The following SNX30 variants were observed in gnomAD, a reference collection of about 807,000 sequenced individuals.
The protein encoded by SNX30 is sorting nexin-30.
SNX30 carries 24 observed loss-of-function variants against 46.4 expected under a neutral mutation model. That is an observed-to-expected ratio of 0.52 (90% CI 0.37 to 0.73). The LOEUF (loss-of-function observed/expected upper bound fraction) is 0.73. Ranked by LOEUF, SNX30 falls within the 30% of genes least tolerant of loss-of-function variation. The pLI is 0.00. For synonymous variants in SNX30, 189 were observed against 211.5 expected (o/e 0.89, Z 0.92); for missense variants, 533 against 555.7 (o/e 0.96, Z 0.41).
At chr9:112,826,075 A>T (rs1012724612) in intron 3 of SNX30, among the ~76,000 whole-genome samples, 16 of 152,194 alleles carry the variant, frequency 1.1e-4, no homozygotes, top group African/African-American at 3.9e-4. Context: ...TGTCATCTTT[A>T]TGTTAAATGA....
rs986088269 is a variant in SNX30, at chr9:112,874,526, T to G, written c.*5683T>G. 2 of 152,220 alleles carry G rather than the reference T, an allele frequency of 1.3e-5. No individual in the cohort carries two copies. The highest frequency in any genetic ancestry group is 2.4e-5 in the African/African-American group (1 of 41,462). The allele number at this position is 152,220 out of a possible 1,614,324, so 9.4% of individuals were successfully genotyped here. On this transcript the variant is annotated 3_prime_UTR_variant, in exon 9 of 9. Transcript: ENST00000374232. Reference sequence around the variant, plus strand: ...AAGTCATTCTTTACGTTTAAAATTTTAAAATAAAAACCTTCTGAGGTATTG... The same window carrying G: ...AAGTCATTCTTTACGTTTAAAATTTGAAAATAAAAACCTTCTGAGGTATTG...
At chr9:112,815,395 C>G (rs1840381090) in intron 2 of SNX30, among the ~76,000 whole-genome samples, 1 of 147,812 alleles carries the variant, frequency 6.8e-6, no homozygotes, top group Non-Finnish European at 1.5e-5. Flanking sequence ...GTCTCTTGCT[C>G]TGTTTCCCAG....
chr9:112,880,469 A>G (rs903533122), exon 5 of SNX30: 3 of 154,168 alleles, frequency 1.9e-5, no homozygotes, highest in African/African-American at 7.2e-5. Context: ...CCAACTCAGC[A>G]CAGGAATGCC....
At chr9:112,765,864 C>T (rs1016993586) in intron 1 of SNX30, among the ~76,000 whole-genome samples, 8 of 152,028 alleles carry the variant, frequency 5.3e-5, no homozygotes, top group Non-Finnish European at 8.8e-5. Context: ...AGTGCAGTGG[C>T]GCGATCTCAG....
chr9:112,795,321 G>A (rs553757967), intron 1 of SNX30, among the ~76,000 whole-genome samples: 24 of 152,294 alleles, frequency 1.6e-4, no homozygotes, highest in South Asian at 1.4e-3. Context: ...AGATTAAGAA[G>A]CTTGCTTAAG....
At chr9:112,836,118 C>T in intron 4 of SNX30, 96 bp from the exon 5 acceptor site, 1 of 1,204,892 alleles carries the variant, frequency 8.3e-7, no homozygotes, top group Non-Finnish European at 1.2e-6. Flanking sequence ...CCGAGTTCTC[C>T]ATTTCCAAAC....
intron 8 of SNX30, chr9:112,866,603 G>C: frequency 2.2e-6 from 1 of 464,514 alleles, no homozygotes; most frequent in South Asian, 1.6e-5. Context: ...TCTAACCTCA[G>C]AGTCACCAAG....
At chr9:112,806,623 T>C (rs1300248855) in intron 2 of SNX30, among the ~76,000 whole-genome samples, 5 of 152,180 alleles carry the variant, frequency 3.3e-5, no homozygotes, top group Non-Finnish European at 7.4e-5. Context: ...ACTCAAGTTG[T>C]GTTTCTTCAT....
At chr9:112,820,265 C>G (rs113475068) in intron 3 of SNX30, among the ~76,000 whole-genome samples, 1,959 of 24,272 alleles carry the variant, frequency 0.081, 55 homozygotes, top group African/African-American at 0.29. Flanking sequence ...ACTTGCATAT[C>G]TGGAGTGGAG....
chr9:112,795,411 C>T (rs1340241035), intron 1 of SNX30, among the ~76,000 whole-genome samples: 2 of 152,122 alleles, frequency 1.3e-5, no homozygotes, highest in African/African-American at 4.8e-5. Context: ...CTTGTCCTTC[C>T]ACAGACATTT....
In SNX30 at chr9:112,869,881, A is replaced by G. The variant is rs1444612499; in HGVS notation, c.*1038A>G. 6.6e-6 allele frequency: 1 copy of G among 152,170 alleles called. No individual in the cohort carries two copies. The highest frequency in any genetic ancestry group is 1.5e-5 in the Non-Finnish European group (1 of 68,034). The allele number at this position is 152,170 out of a possible 1,614,324, so 9.4% of individuals were successfully genotyped here. A position where few individuals can be genotyped will look rare whatever the true frequency, so the allele number is the denominator to read the frequency against. ...CTTTTGGTGAGAGGGCTGGTATGTC[A>G]TGTTGTTATGATACAGTCGAAATTT... On this transcript the variant is annotated 3_prime_UTR_variant, in exon 9 of 9. Transcript: ENST00000374232.
chr9:112,811,156 A>G (rs1273001862), intron 2 of SNX30, among the ~76,000 whole-genome samples: 1 of 152,234 alleles, frequency 6.6e-6, no homozygotes, highest in Non-Finnish European at 1.5e-5. Context: ...AGGAAGGCAG[A>G]GGAGCGTGAG....
At chr9:112,764,062 A>G (rs577873446) in intron 1 of SNX30, among the ~76,000 whole-genome samples, 4 of 152,208 alleles carry the variant, frequency 2.6e-5, no homozygotes, top group African/African-American at 9.6e-5. Context: ...GTCCATGTAG[A>G]TGATGAAAGT....
In SNX30 at chr9:112,872,803, C is replaced by T. The variant is rs746654671; in HGVS notation, c.*3960C>T. ...CAAGATGGCAGCAGATGGACACACC[C>T]TCTCATTTCTTGTGTCTTGTCTGTC... is the stretch of plus-strand genomic sequence containing the variant. On this transcript the variant is annotated 3_prime_UTR_variant, in exon 9 of 9. Transcript: ENST00000374232. 4 of 152,196 alleles carry T rather than the reference C, an allele frequency of 2.6e-5. No individual in the cohort carries two copies. The highest frequency in any genetic ancestry group is 4.1e-4 in the South Asian group (2 of 4,832). The allele number at this position is 152,196 out of a possible 1,614,324, so 9.4% of individuals were successfully genotyped here.
At chr9:112,761,872 T>G (rs1465789773) in intron 1 of SNX30, among the ~76,000 whole-genome samples, 3 of 151,484 alleles carry the variant, frequency 2.0e-5, no homozygotes, top group Admixed American at 1.3e-4. Context: ...ATAATCCCAG[T>G]AGATCCAAAT....
At chr9:112,843,015 G>T (rs757442533) in intron 6 of SNX30, among the ~76,000 whole-genome samples, 1 of 152,206 alleles carries the variant, frequency 6.6e-6, no homozygotes, top group South Asian at 2.1e-4. Context: ...CCTATAAACT[G>T]TGTGTGTATA....
intron 7 of SNX30, among the ~76,000 whole-genome samples, chr9:112,857,866 G>A (rs925391564): frequency 6.6e-6 from 1 of 151,810 alleles, no homozygotes; most frequent in East Asian, 1.9e-4. Flanking sequence ...GCTCAATCTC[G>A]GCTCACTGAG....
In SNX30 at chr9:112,822,532, T is replaced by TTTCG. The variant is rs770044520; in HGVS notation, c.459+4719_459+4720insCGTT. On this transcript the variant is annotated intron_variant, in intron 3 of 8. Coordinates refer to ENST00000374232, the MANE Select transcript of SNX30 (RefSeq NM_001012994.2). ...CAAGTTTTCTTTTGTCCCTTTGCTG[T>TTTCG]TTTGTTTTGTTTTTTTTTTTTGTAA... Among the ~76,000 whole-genome samples the TTTCG allele has an allele frequency of 1.3e-4, 9 of 68,348 alleles. No individual in the cohort carries two copies. In the East Asian group the frequency reaches 3.6e-3, roughly 28 times the overall value. The allele number at this position is 68,348 out of a possible 152,430, so 44.8% of individuals were successfully genotyped here. A position where few individuals can be genotyped will look rare whatever the true frequency, so the allele number is the denominator to read the frequency against.
At chr9:112,781,838 T>G (rs1281142212) in intron 1 of SNX30, among the ~76,000 whole-genome samples, 1 of 151,568 alleles carries the variant, frequency 6.6e-6, no homozygotes, top group African/African-American at 2.4e-5. Flanking sequence ...GACGGGGTTT[T>G]GCCATGTTGG....
Sources: allele counts gnomAD v4.1 joint callset (sites outside exome capture counted in the v4.1 genomes callset), GRCh38; gene constraint gnomAD v4.1.1; transcripts MANE v1.5; gene names NCBI Gene and HGNC (gene_info 2026-07-23, HGNC 2026-07-21).